Variants in VRK2 observed in about 807,000 individuals in gnomAD.
VRK2 encodes the protein VRK serine/threonine kinase 2, also known as serine/threonine-protein kinase VRK2.
VRK2 carries 60 observed loss-of-function variants against 57.6 expected under a neutral mutation model. The observed-to-expected ratio is 1.04, with a 90% CI of 0.85 to 1.29. The LOEUF (loss-of-function observed/expected upper bound fraction) is 1.29, where lower values mean the gene tolerates loss of function less well. Ranked by LOEUF, VRK2 falls within the 50% of genes most tolerant of loss-of-function variation. The pLI is 0.00. For synonymous variants in VRK2, 231 were observed against 199.2 expected (o/e 1.16, Z -1.35); for missense variants, 705 against 588.1 (o/e 1.20, Z -2.06).
chr2:58,008,228 A>C (rs1673313254), intron 1 of VRK2, among the ~76,000 whole-genome samples: 1 of 152,208 alleles, frequency 6.6e-6, no homozygotes, highest in African/African-American at 2.4e-5. Context: ...ACTAGGGTCA[A>C]ATAAGATCTA....
At chr2:57,952,451 C>T (rs180749457) in intron 1 of VRK2, among the ~76,000 whole-genome samples, 39 of 152,238 alleles carry the variant, frequency 2.6e-4, no homozygotes, top group Non-Finnish European at 4.1e-4. Flanking sequence ...CATTTTGGCT[C>T]GCTTCATTGT....
At chr2:58,035,331 G>C (rs1674240751) in intron 3 of VRK2, among the ~76,000 whole-genome samples, 1 of 151,974 alleles carries the variant, frequency 6.6e-6, no homozygotes, top group Non-Finnish European at 1.5e-5. Context: ...GAAGTTTTCA[G>C]AGATTTCTTC....
intron 1 of VRK2, among the ~76,000 whole-genome samples, chr2:57,951,889 G>T (rs1369866874): frequency 6.6e-6 from 1 of 150,548 alleles, no homozygotes. Flanking sequence ...AACTACAGAA[G>T]CATACCACCA....
chr2:57,984,100 C>G (rs1672517568), intron 1 of VRK2, among the ~76,000 whole-genome samples: 1 of 152,096 alleles, frequency 6.6e-6, no homozygotes. Flanking sequence ...TTTGTACTGT[C>G]TTCATCACAA....
intron 2 of VRK2, among the ~76,000 whole-genome samples, chr2:58,051,469 A>T (rs560378565): frequency 6.6e-6 from 1 of 152,236 alleles, no homozygotes; most frequent in African/African-American, 2.4e-5. Context: ...CTATACAAAC[A>T]AATCAATATG....
intron 1 of VRK2, among the ~76,000 whole-genome samples, chr2:57,987,646 C>T (rs940346060): frequency 2.0e-5 from 3 of 152,074 alleles, no homozygotes; most frequent in Admixed American, 6.5e-5. Flanking sequence ...AAATTCAGCT[C>T]CTGGACACTT....
At chr2:58,001,872 A>G (rs1673100282) in intron 1 of VRK2, among the ~76,000 whole-genome samples, 1 of 151,988 alleles carries the variant, frequency 6.6e-6, no homozygotes, top group Non-Finnish European at 1.5e-5. Flanking sequence ...GTCATTGGAG[A>G]CTTTATTTTC....
In VRK2 at chr2:58,074,863, C is replaced by T. The variant is rs1052308067; in HGVS notation, c.137-9226C>T. ...GAATATGAGACCTTTTATAATCTTA[C>T]GACTAAATCTGCTTTTTATTTTTAT... is the stretch of plus-strand genomic sequence containing the variant. On this transcript the variant is annotated intron_variant, in intron 2 of 12. Coordinates refer to ENST00000340157, the MANE Select transcript of VRK2 (RefSeq NM_006296.7). Among the ~76,000 whole-genome samples, 62 of 152,068 alleles carry T rather than the reference C, an allele frequency of 4.1e-4. 1 individual carries two copies. Among genetic ancestry groups the T allele is most frequent in the Admixed American group, 3.2e-3 (48 of 15,234 alleles).
In VRK2 at chr2:58,085,141, A is replaced by G. The variant is rs1671440355; in HGVS notation, c.256+191A>G. 1.8e-5 allele frequency: 3 copies of G among 166,670 alleles called. No individual in the cohort carries two copies. In the South Asian group the frequency reaches 5.9e-4, roughly 33 times the overall value. The allele number at this position is 166,670 out of a possible 1,614,324, so 10.3% of individuals were successfully genotyped here. A position where few individuals can be genotyped will look rare whatever the true frequency, so the allele number is the denominator to read the frequency against. ...TACAAATCTTGACATGACATACATAATGGGTTATATATTTTAAGTCAAAGT... is the reference window on the plus strand; with the variant it reads ...TACAAATCTTGACATGACATACATAGTGGGTTATATATTTTAAGTCAAAGT... On this transcript the variant is annotated intron_variant, in intron 4 of 12. Transcript: ENST00000340157.
upstream of VRK2, among the ~76,000 whole-genome samples, chr2:58,045,139 A>T (rs1307234521): frequency 6.6e-6 from 1 of 152,242 alleles, no homozygotes; most frequent in Non-Finnish European, 1.5e-5. Context: ...TTAAGCGTTA[A>T]GGATCATGTG....
chr2:58,100,460 A>C (rs936270910), intron 7 of VRK2, among the ~76,000 whole-genome samples: 2 of 151,974 alleles, frequency 1.3e-5, no homozygotes, highest in East Asian at 3.9e-4. Context: ...GACTCCTTTA[A>C]AGTGGATAGG....
At chr2:57,986,002 G>C (rs1672582057) in intron 1 of VRK2, among the ~76,000 whole-genome samples, 1 of 152,058 alleles carries the variant, frequency 6.6e-6, no homozygotes, top group African/African-American at 2.4e-5. Context: ...CCAATGGTAG[G>C]AAAAATTAAA....
At chr2:58,048,561 C>T (rs758018515) in intron 1 of VRK2, 2 of 1,395,360 alleles carry the variant, frequency 1.4e-6, no homozygotes, top group African/African-American at 1.4e-5. Flanking sequence ...GCTATAGAAC[C>T]CCGAAATGAA....
chr2:58,064,367 A>G (rs1468218954), intron 2 of VRK2, among the ~76,000 whole-genome samples: 1 of 152,106 alleles, frequency 6.6e-6, no homozygotes, highest in Non-Finnish European at 1.5e-5. Flanking sequence ...CGCAGTCTTC[A>G]GCACCCACTA....
chr2:58,030,984 C>G (rs1674094396), intron 2 of VRK2, among the ~76,000 whole-genome samples: 1 of 152,022 alleles, frequency 6.6e-6, no homozygotes, highest in South Asian at 2.1e-4. Context: ...TGTGACTGAT[C>G]AAACATTTAG....
At chr2:57,980,888 T>C (rs372781744) in intron 1 of VRK2, among the ~76,000 whole-genome samples, 3 of 152,164 alleles carry the variant, frequency 2.0e-5, no homozygotes, top group African/African-American at 7.2e-5. Context: ...GCTTGATAGA[T>C]CTTTCTCCAT....
intron 1 of VRK2, among the ~76,000 whole-genome samples, chr2:58,002,684 G>A (rs965532274): frequency 2.0e-5 from 3 of 152,090 alleles, no homozygotes; most frequent in Non-Finnish European, 4.4e-5. Flanking sequence ...TTTTAGGCGA[G>A]GGAAAAGAAT....
intron 1 of VRK2, among the ~76,000 whole-genome samples, chr2:57,939,975 T>A (rs1558503978): frequency 6.6e-6 from 1 of 152,216 alleles, no homozygotes; most frequent in Non-Finnish European, 1.5e-5. Context: ...GATTGTACCT[T>A]TTTTAATATT....
intron 8 of VRK2, among the ~76,000 whole-genome samples, chr2:58,124,919 A>G (rs1678084317): frequency 6.6e-6 from 1 of 152,162 alleles, no homozygotes; most frequent in Admixed American, 6.5e-5. Context: ...TTCAGTATTC[A>G]TATTGTTAAT....
Sources: allele counts gnomAD v4.1 joint callset (sites outside exome capture counted in the v4.1 genomes callset), GRCh38; gene constraint gnomAD v4.1.1; transcripts MANE v1.5; gene names NCBI Gene and HGNC (gene_info 2026-07-23, HGNC 2026-07-21).